The following ITGA9 variants were observed in gnomAD, a reference collection of about 807,000 sequenced individuals.
ITGA9 encodes the protein integrin subunit alpha 9.
A neutral mutation model predicts 127.8 loss-of-function variants in ITGA9; 56 were observed. The ratio of observed to expected loss-of-function variants is 0.44; its 90% confidence interval spans 0.35 to 0.55. The LOEUF is 0.55. ITGA9 is among the 20% of genes least tolerant of loss of function. ITGA9 has a pLI of 0.00. For synonymous variants in ITGA9, 508 were observed against 514.5 expected (o/e 0.99, Z 0.17); for missense variants, 1,196 against 1,347.1 (o/e 0.89, Z 1.76).
intron 11 of ITGA9, among the ~76,000 whole-genome samples, chr3:37,522,952 G>C (rs937883911): frequency 7.9e-5 from 12 of 152,148 alleles, no homozygotes; most frequent in Admixed American, 5.9e-4. Context: ...GTTCACTCCT[G>C]TCTGTGAAGC....
chr3:37,473,136 C>CAAAAAAAAAAAAAA (rs36109791), intron 2 of ITGA9, among the ~76,000 whole-genome samples: 81 of 70,722 alleles, frequency 1.1e-3, no homozygotes, highest in Non-Finnish European at 1.5e-3. Context: ...GAGACTGTCT[C>CAAAAAAAAAAAAAA]AAAAAAAAAA....
intron 5 of ITGA9, 90 bp from the exon 6 acceptor site, chr3:37,503,088 T>C: frequency 3.4e-6 from 5 of 1,483,418 alleles, no homozygotes; most frequent in Non-Finnish European, 4.6e-6. Flanking sequence ...GTGAGGAATT[T>C]CTCCTTTGTT....
chr3:37,485,988 A>G (rs189979027), intron 4 of ITGA9, among the ~76,000 whole-genome samples: 8 of 152,344 alleles, frequency 5.3e-5, no homozygotes, highest in Admixed American at 2.0e-4. Flanking sequence ...ACTACTTGTA[A>G]ATTAAAGGGC....
intron 18 of ITGA9, among the ~76,000 whole-genome samples, chr3:37,704,366 C>G (rs1254119387): frequency 6.6e-6 from 1 of 152,186 alleles, no homozygotes; most frequent in African/African-American, 2.4e-5. Context: ...CTGGCAGCAG[C>G]CTCACTCTTG....
At chr3:37,588,685 GC>G (rs1699783431) in intron 15 of ITGA9, among the ~76,000 whole-genome samples, 1 of 152,296 alleles carries the variant, frequency 6.6e-6, no homozygotes, top group South Asian at 2.1e-4. Context: ...CAGAGTAAGG[GC>G]CCCTCTTGCC....
intron 3 of ITGA9, among the ~76,000 whole-genome samples, chr3:37,479,348 A>G (rs1698527925): frequency 6.6e-6 from 1 of 152,216 alleles, no homozygotes; most frequent in South Asian, 2.1e-4. Flanking sequence ...AAAAATAACA[A>G]TAGATTGTTT....
Position 37,494,696 on chromosome 3 carries a change from T to G in ITGA9, c.612+128T>G, listed in dbSNP as rs1698708915. ...ATACTTGAGCCTCGAGGGAGCAGATTCTGGTCCTCACACCAGAGGAGGCTA... is the reference window on the plus strand; with the variant it reads ...ATACTTGAGCCTCGAGGGAGCAGATGCTGGTCCTCACACCAGAGGAGGCTA... On this transcript the variant is annotated intron_variant, in intron 5 of 27. Coordinates refer to ENST00000264741, the MANE Select transcript of ITGA9 (RefSeq NM_002207.3). The G allele has an allele frequency of 1.3e-5, 10 of 780,946 alleles. 1 individual carries two copies. In the South Asian group the frequency reaches 1.5e-4, roughly 11 times the overall value. The allele number at this position is 780,946 out of a possible 1,614,324, so 48.4% of individuals were successfully genotyped here.
At chr3:37,508,792 C>G (rs1032051114) in intron 8 of ITGA9, among the ~76,000 whole-genome samples, 165 bp downstream of exon 8, 2 of 152,128 alleles carry the variant, frequency 1.3e-5, no homozygotes, top group Non-Finnish European at 2.9e-5. Context: ...TATGTGTAAT[C>G]TGTACATTCA....
chr3:37,787,819 T>G (rs1697059700), intron 26 of ITGA9, among the ~76,000 whole-genome samples: 1 of 152,334 alleles, frequency 6.6e-6, no homozygotes, highest in Non-Finnish European at 1.5e-5. Flanking sequence ...CAAATTGTTA[T>G]GGCCTTGGAA....
intron 15 of ITGA9, among the ~76,000 whole-genome samples, chr3:37,564,758 A>C (rs2246194): frequency 0.36 from 54,451 of 152,058 alleles, 10,054 homozygotes; most frequent in Admixed American, 0.45. Flanking sequence ...CCTGGGGCTT[A>C]CCCTGAAGAG....
At chr3:37,578,378 C>T (rs904787694) in intron 15 of ITGA9, among the ~76,000 whole-genome samples, 1 of 152,098 alleles carries the variant, frequency 6.6e-6, no homozygotes, top group Non-Finnish European at 1.5e-5. Context: ...GGTCTTCATT[C>T]CTAGAGGGAT....
At chr3:37,795,747 C>G (rs1488491082) in intron 26 of ITGA9, among the ~76,000 whole-genome samples, 2 of 152,212 alleles carry the variant, frequency 1.3e-5, no homozygotes, top group East Asian at 1.9e-4. Flanking sequence ...CCAAAACCAG[C>G]AGACTTCTCC....
intron 16 of ITGA9, among the ~76,000 whole-genome samples, chr3:37,630,022 A>G (rs1399029665): frequency 2.0e-5 from 3 of 152,234 alleles, no homozygotes; most frequent in African/African-American, 7.2e-5. Flanking sequence ...TTGAAACCCA[A>G]GATCACCACA....
chr3:37,762,669 C>T (rs1347550648), intron 23 of ITGA9, among the ~76,000 whole-genome samples: 1 of 152,216 alleles, frequency 6.6e-6, no homozygotes, highest in African/African-American at 2.4e-5. Context: ...TGCAAGGCCA[C>T]TTCTGTCTGC....
In ITGA9 at chr3:37,452,920, C is replaced by T. The variant is rs1196023887; in HGVS notation, c.185+361C>T. 1.3e-5 allele frequency among the ~76,000 whole-genome samples: 2 copies of T among 152,188 alleles called. No homozygotes were observed. Among genetic ancestry groups the T allele is most frequent in the Non-Finnish European group, 2.9e-5 (2 of 68,024 alleles). ...CTTGGCTCCTCTGCCTCCGGGCGGCCGCCGCTGGCCCAGCGAGCCTCCTGA... is the reference window on the plus strand; with the variant it reads ...CTTGGCTCCTCTGCCTCCGGGCGGCTGCCGCTGGCCCAGCGAGCCTCCTGA... On this transcript the variant is annotated intron_variant, in intron 1 of 27. Coordinates refer to ENST00000264741, the MANE Select transcript of ITGA9 (RefSeq NM_002207.3). The surrounding 1 kb of genome is among the most constrained non-coding windows in gnomAD (Gnocchi z 7.3).
Position 37,503,300 on chromosome 3 carries a change from C to A in ITGA9, c.735C>A (p.Thr245=). 1.2e-6 allele frequency: 2 copies of A among 1,614,050 alleles called. No homozygotes were observed. Among genetic ancestry groups the A allele is most frequent in the Non-Finnish European group, 1.7e-6 (2 of 1,179,954 alleles). The part of the protein sequence containing the change: ...NDEVIMNRRY[T]YLGYAVTAGH... ...AAGTGATCATGAACAGGCGGTACAC[C>A]TACCTGGGTGAGTACTCAGGGAGAG... is the stretch of plus-strand genomic sequence containing the variant. Residue 245 remains threonine (T), a synonymous_variant, in exon 6 of 28, where the codon ACC becomes ACA. Transcript: ENST00000264741.
At chr3:37,792,852 T>A (rs1455653406) in intron 26 of ITGA9, among the ~76,000 whole-genome samples, 1 of 152,126 alleles carries the variant, frequency 6.6e-6, no homozygotes, top group African/African-American at 2.4e-5. Context: ...TATGTCTATG[T>A]CAGTGAAGGT....
chr3:37,815,045 TG>T (rs1313843872), intron 27 of ITGA9, among the ~76,000 whole-genome samples: 1 of 152,000 alleles, frequency 6.6e-6, no homozygotes, highest in Admixed American at 6.6e-5. Context: ...CAGGGGTGGG[TG>T]GGGGTGATTT....
At chr3:37,459,682 A>T (rs1416532100) in intron 1 of ITGA9, among the ~76,000 whole-genome samples, 1 of 152,192 alleles carries the variant, frequency 6.6e-6, no homozygotes, top group Non-Finnish European at 1.5e-5. Flanking sequence ...CCCAAGTTAC[A>T]TGGCTAATGA....
Sources: allele counts gnomAD v4.1 joint callset (sites outside exome capture counted in the v4.1 genomes callset), GRCh38; gene constraint gnomAD v4.1.1; non-coding constraint Gnocchi (gnomAD v3.1); transcripts MANE v1.5; gene names NCBI Gene and HGNC (gene_info 2026-07-23, HGNC 2026-07-21).